TRAP1: variants seen among roughly 807,000 people sequenced by gnomAD.
The protein encoded by TRAP1 is heat shock protein 75 kDa, mitochondrial.
A neutral mutation model predicts 89.1 loss-of-function variants in TRAP1; 102 were observed. That is an observed-to-expected ratio of 1.15 (90% CI 0.98 to 1.35). The LOEUF is 1.35. Among genes scored for constraint, TRAP1 ranks in the 40% most tolerant of loss-of-function variants. The pLI is 0.00. For synonymous variants in TRAP1, 508 were observed against 388.0 expected, an observed-to-expected ratio of 1.31 and a Z score of -3.64; for missense variants, 1,256 against 945.3, an observed-to-expected ratio of 1.33 and a Z score of -4.31.
chr16:3,662,625 C>T (rs760370772), intron 15 of TRAP1: 15 of 663,722 alleles, frequency 2.3e-5, no homozygotes, highest in Non-Finnish European at 3.9e-5. Context: ...GCAGCTCCCA[C>T]TCAGGATGCT....
At chr16:3,693,673 C>A (rs2051247099) in intron 1 of TRAP1, among the ~76,000 whole-genome samples, 1 of 152,168 alleles carries the variant, frequency 6.6e-6, no homozygotes. Context: ...AAACACAGCA[C>A]CACAAACTAG....
At chr16:3,690,582 T>G (rs1356675465) in intron 2 of TRAP1, among the ~76,000 whole-genome samples, 1 of 152,024 alleles carries the variant, frequency 6.6e-6, no homozygotes, top group African/African-American at 2.4e-5. Context: ...GAATCACCAC[T>G]CAGGGGAGGT....
At chr16:3,688,096 A>G (rs1242147103) in intron 3 of TRAP1, among the ~76,000 whole-genome samples, 5 of 152,096 alleles carry the variant, frequency 3.3e-5, no homozygotes. Flanking sequence ...GCCTTCCAGC[A>G]ATAATCAGCA....
At chr16:3,693,529 C>T (rs906869005) in intron 1 of TRAP1, among the ~76,000 whole-genome samples, 1 of 152,096 alleles carries the variant, frequency 6.6e-6, no homozygotes. Context: ...CCTGGGGGCA[C>T]AGGAGGGAAG....
intron 11 of TRAP1, among the ~76,000 whole-genome samples, chr16:3,670,724 C>T (rs994115288): frequency 3.3e-5 from 5 of 152,108 alleles, no homozygotes; most frequent in Non-Finnish European, 7.3e-5. Context: ...AACATCACTG[C>T]GGCTTGCTTG....
chr16:3,717,460 G>T lies in TRAP1; in HGVS notation c.49C>A (p.Pro17Thr), dbSNP rs1555468939. The change falls in exon 1 of 18, where the codon CCT (proline) becomes ACT (threonine). Residue 17 changes from proline to threonine, a missense_variant. Transcript: ENST00000246957. ...GCCAGCGCCGGCGCCCGCAGCAAAGGCCGCAGGCGGCGGCCCCACAGCAGC... is the reference window on the plus strand; with the variant it reads ...GCCAGCGCCGGCGCCCGCAGCAAAGTCCGCAGGCGGCGGCCCCACAGCAGC... ...ALLLWGRRLR[P>T]LLRAPALAAV... The T allele has an allele frequency of 7.7e-7, 1 of 1,298,496 alleles. No homozygotes were observed. Among genetic ancestry groups the T allele is most frequent in the Non-Finnish European group, 9.7e-7 (1 of 1,030,412 alleles). 80.4% of individuals were successfully genotyped at this position (1,298,496 alleles called of 1,614,324 possible).
At chr16:3,660,116 G>A (rs759001078) in intron 16 of TRAP1, 17 of 152,176 alleles carry the variant, frequency 1.1e-4, no homozygotes, top group Non-Finnish European at 2.1e-4. Context: ...TAATGTGGAG[G>A]TCACCTAGTT....
intron 5 of TRAP1, 38 bp from the exon 6 acceptor site, chr16:3,677,696 T>A: frequency 6.3e-7 from 1 of 1,598,962 alleles, no homozygotes; most frequent in African/African-American, 1.3e-5. Flanking sequence ...CAGCCTCCCC[T>A]CCAGAGAGCA....
chr16:3,700,447 G>T (rs1217693339), intron 1 of TRAP1, among the ~76,000 whole-genome samples: 1 of 149,898 alleles, frequency 6.7e-6, no homozygotes, highest in African/African-American at 2.5e-5. Flanking sequence ...GATTACAGGT[G>T]TGAGCCACCA....
intron 1 of TRAP1, among the ~76,000 whole-genome samples, chr16:3,703,629 C>T (rs1043282279): frequency 5.3e-5 from 8 of 151,936 alleles, no homozygotes; most frequent in African/African-American, 1.5e-4. Flanking sequence ...CAGTGGGAGA[C>T]GAGTTTTTCA....
Position 3,662,950 on chromosome 16 carries a change from C to CT in TRAP1, c.1725dup (p.Glu576ArgfsTer109), listed in dbSNP as rs1555462151. The CT allele has an allele frequency of 4.3e-6, 7 of 1,611,630 alleles. No homozygotes were observed. Among genetic ancestry groups the CT allele is most frequent in the Non-Finnish European group, 5.9e-6 (7 of 1,179,944 alleles). On this transcript the variant is annotated frameshift_variant, in exon 15 of 18. Transcript: ENST00000246957. LOFTEE classifies it high-confidence loss of function. The stretch of plus-strand genomic sequence containing the variant: ...GCCATGAGCTCCTCCGTCTCCTTCT[C>CT]TGATAGGCACTCGGCGGCTGCGGAA...
intron 11 of TRAP1, among the ~76,000 whole-genome samples, chr16:3,666,552 A>C (rs1006776976): frequency 1.1e-4 from 13 of 119,198 alleles, no homozygotes; most frequent in Admixed American, 9.7e-4. Flanking sequence ...TGTAATGCTA[A>C]ATGGCCATAA....
intron 11 of TRAP1, among the ~76,000 whole-genome samples, chr16:3,669,832 C>CAA (rs59256364): frequency 7.4e-4 from 49 of 66,150 alleles, no homozygotes; most frequent in East Asian, 1.7e-3. Flanking sequence ...GACTCCGTCT[C>CAA]AAAAAAAAAA....
intron 2 of TRAP1, among the ~76,000 whole-genome samples, chr16:3,690,346 A>C (rs1210664160): frequency 6.6e-6 from 1 of 152,206 alleles, no homozygotes; most frequent in East Asian, 1.9e-4. Context: ...AATTAGTTAG[A>C]AATCAAAATA....
intron 1 of TRAP1, 118 bp downstream of exon 1, chr16:3,717,303 C>T (rs1451253757): frequency 7.9e-6 from 3 of 378,408 alleles, no homozygotes. Context: ...CTTGGCCTCG[C>T]CGGACCTCCC....
intron 1 of TRAP1, among the ~76,000 whole-genome samples, chr16:3,709,535 G>A (rs933232218): frequency 4.6e-5 from 7 of 152,092 alleles, no homozygotes; most frequent in African/African-American, 1.4e-4. Flanking sequence ...AAACATCCTC[G>A]CTATGGAATA....
intron 16 of TRAP1, 57 bp downstream of exon 16, chr16:3,661,930 C>G: frequency 6.6e-7 from 1 of 1,526,538 alleles, no homozygotes. Context: ...AAAAGAACAC[C>G]ACACACAGGA....
chr16:3,703,956 A>G (rs2051404463), intron 1 of TRAP1, among the ~76,000 whole-genome samples: 1 of 149,434 alleles, frequency 6.7e-6, no homozygotes, highest in Non-Finnish European at 1.5e-5. Context: ...CGGAGCGTGC[A>G]GTGAGCCGAG....
intron 9 of TRAP1, among the ~76,000 whole-genome samples, chr16:3,674,094 CT>C (rs1331024073): frequency 6.6e-6 from 1 of 151,942 alleles, no homozygotes; most frequent in Non-Finnish European, 1.5e-5. Flanking sequence ...TTCTTTTTTT[CT>C]TTTTTTTCAG....
Sources: gnomAD v4.1 joint callset for allele counts (sites outside exome capture counted in the v4.1 genomes callset) on GRCh38, gnomAD v4.1.1 for gene constraint, MANE v1.5 for transcripts, NCBI Gene and HGNC (gene_info 2026-07-23, HGNC 2026-07-21) for gene names.